The following SYNPO2 variants were observed in gnomAD, a reference collection of about 807,000 sequenced individuals.
SYNPO2 encodes the protein synaptopodin-2.
In SYNPO2, 56 loss-of-function variants were observed where a neutral mutation model predicts 85.0. The observed-to-expected ratio is 0.66, with a 90% CI of 0.53 to 0.82. The LOEUF is 0.82. Among genes scored for constraint, SYNPO2 ranks in the 40% least tolerant of loss-of-function variants. SYNPO2 has a pLI of 0.00. For missense variants in SYNPO2, 1,575 were observed against 1,534.2 expected, an observed-to-expected ratio of 1.03 and a Z score of -0.44; for synonymous variants, 602 against 591.1, an observed-to-expected ratio of 1.02 and a Z score of -0.27.
intron 1 of SYNPO2, among the ~76,000 whole-genome samples, chr4:119,007,829 C>T (rs1006813515): frequency 6.6e-6 from 1 of 152,154 alleles, no homozygotes; most frequent in Non-Finnish European, 1.5e-5. Flanking sequence ...ACAACATCAT[C>T]TCATACCTTT....
In SYNPO2 at chr4:119,057,448, C is replaced by G. The variant is rs576931569; in HGVS notation, c.3300C>G (p.Pro1100=). The G allele has an allele frequency of 2.5e-6, 4 of 1,613,338 alleles. No homozygotes were observed. In the Admixed American group the frequency reaches 5.0e-5, roughly 20 times the overall value. The change falls in exon 5 of 5, where the codon CCC becomes CCG. Residue 1100 remains proline, a synonymous_variant. Transcript: ENST00000307142. ...TTCCTGGAAGATCAGTCCCACCCCC[C>G]ATTTCTACATCTCCTTGGGTATACC... ...LSLPGRSVPP[P]ISTSPWVYQP...
intron 1 of SYNPO2, among the ~76,000 whole-genome samples, chr4:118,969,126 A>G (rs747692551): frequency 1.3e-5 from 2 of 152,130 alleles, no homozygotes; most frequent in African/African-American, 2.4e-5. Flanking sequence ...CCTAAATTGT[A>G]TACTCACATA....
At chr4:119,018,983 T>C (rs768854299) in intron 1 of SYNPO2, among the ~76,000 whole-genome samples, 10 of 152,278 alleles carry the variant, frequency 6.6e-5, no homozygotes, top group Middle Eastern at 6.8e-3. Flanking sequence ...AAGCTGCATG[T>C]TCTCACTTAT....
chr4:119,044,895 A>G (rs1294399905), intron 4 of SYNPO2, among the ~76,000 whole-genome samples: 1 of 152,230 alleles, frequency 6.6e-6, no homozygotes, highest in Non-Finnish European at 1.5e-5. Flanking sequence ...CACACACTGT[A>G]TAGTTGCTGT....
chr4:118,881,742 T>C (rs1283922313), intron 1 of SYNPO2, among the ~76,000 whole-genome samples: 1 of 152,160 alleles, frequency 6.6e-6, no homozygotes, highest in Non-Finnish European at 1.5e-5. Flanking sequence ...GGAAGTTGTT[T>C]TGGGTAGGGC....
At chr4:118,919,015 T>C (rs1299413790) in intron 1 of SYNPO2, among the ~76,000 whole-genome samples, 2 of 152,198 alleles carry the variant, frequency 1.3e-5, no homozygotes, top group Non-Finnish European at 2.9e-5. Context: ...TTTTAAAAAT[T>C]CTATGGCAGC....
intron 1 of SYNPO2, among the ~76,000 whole-genome samples, chr4:119,012,880 T>C (rs1737380541): frequency 6.6e-6 from 1 of 152,188 alleles, no homozygotes. Context: ...TTCTGGTTTC[T>C]GTCAGCCTTT....
intron 1 of SYNPO2, among the ~76,000 whole-genome samples, chr4:118,894,674 T>C (rs916929026): frequency 2.0e-5 from 3 of 152,100 alleles, no homozygotes; most frequent in Non-Finnish European, 4.4e-5. Context: ...TAAAAACAAT[T>C]GCCTTTGTTT....
chr4:118,852,863 T>C (rs1731443579), intron 1 of SYNPO2, among the ~76,000 whole-genome samples: 1 of 152,156 alleles, frequency 6.6e-6, no homozygotes, highest in African/African-American at 2.4e-5. Flanking sequence ...ACCCCTGAAC[T>C]TAAAAGTTAA....
intron 1 of SYNPO2, among the ~76,000 whole-genome samples, chr4:118,880,153 TG>T (rs1178759628): frequency 6.6e-6 from 1 of 152,178 alleles, no homozygotes; most frequent in Non-Finnish European, 1.5e-5. Context: ...TCTGGCTACT[TG>T]CTCGGAATAA....
At chr4:118,924,949 TG>T (rs1733663299) in intron 1 of SYNPO2, among the ~76,000 whole-genome samples, 1 of 152,200 alleles carries the variant, frequency 6.6e-6, no homozygotes, top group African/African-American at 2.4e-5. Context: ...TGCACATTTT[TG>T]CCCTAGGCAC....
chr4:118,936,773 C>G (rs1734121199), intron 1 of SYNPO2, among the ~76,000 whole-genome samples: 1 of 152,188 alleles, frequency 6.6e-6, no homozygotes, highest in Non-Finnish European at 1.5e-5. Flanking sequence ...GTGTCCTCCT[C>G]TCTTTCATGA....
chr4:118,883,958 C>T (rs1732156790), upstream of SYNPO2, among the ~76,000 whole-genome samples: 1 of 152,178 alleles, frequency 6.6e-6, no homozygotes. Flanking sequence ...ACTCAGGGCT[C>T]TGCAAGCAGC....
At position 119,031,140 on chromosome 4, in the gene SYNPO2, C is replaced by G; in HGVS notation, c.2365C>G (p.Pro789Ala). The change falls in exon 4 of 5, where the codon CCT becomes GCT. Residue 789 changes from proline (P) to alanine (A), a missense_variant. Physicochemically the swap from Pro to Ala is conservative, Grantham distance 27. Transcript: ENST00000307142. ...GTCTCCAGGAGTGGCTCCCACCCAACCTCCTGCCTTCCCCACATCCAACCC... is the reference window on the plus strand; with the variant it reads ...GTCTCCAGGAGTGGCTCCCACCCAAGCTCCTGCCTTCCCCACATCCAACCC... ...VWSPGVAPTQ[P>A]PAFPTSNPSK... 1 of 1,614,174 alleles carries G rather than the reference C, an allele frequency of 6.2e-7. No individual in the cohort carries two copies. The highest frequency in any genetic ancestry group is 8.5e-7 in the Non-Finnish European group (1 of 1,180,040).
chr4:119,025,485 GT>G (rs1737900549), intron 2 of SYNPO2, among the ~76,000 whole-genome samples: 1 of 152,114 alleles, frequency 6.6e-6, no homozygotes, highest in Admixed American at 6.6e-5. Context: ...TTTTCATTTT[GT>G]TTAGTTTTGT....
intron 1 of SYNPO2, among the ~76,000 whole-genome samples, chr4:118,935,616 T>C (rs961086453): frequency 6.6e-6 from 1 of 152,248 alleles, no homozygotes; most frequent in Non-Finnish European, 1.5e-5. Flanking sequence ...CGTTGAAAAA[T>C]GCAGGCGCTG....
chr4:118,917,557 T>C (rs899026029), intron 1 of SYNPO2, among the ~76,000 whole-genome samples: 8 of 152,216 alleles, frequency 5.3e-5, no homozygotes, highest in African/African-American at 1.7e-4. Flanking sequence ...AAATCCAGCT[T>C]TTTAATTTTT....
At chr4:118,887,665 G>A (rs1056856409), upstream of SYNPO2, among the ~76,000 whole-genome samples, 1 of 152,130 alleles carries the variant, frequency 6.6e-6, no homozygotes, top group Non-Finnish European at 1.5e-5. Context: ...TTATTTAAAA[G>A]TTTGGTGATG....
At chr4:118,868,095 G>C (rs1309500265) in intron 1 of SYNPO2, among the ~76,000 whole-genome samples, 1 of 143,462 alleles carries the variant, frequency 7.0e-6, no homozygotes, top group Non-Finnish European at 1.5e-5. Context: ...ATTGGAGTAA[G>C]AGACAAAATC....
Sources: gnomAD v4.1 joint callset for allele counts (sites outside exome capture counted in the v4.1 genomes callset) on GRCh38, gnomAD v4.1.1 for gene constraint, MANE v1.5 for transcripts, NCBI Gene and HGNC (gene_info 2026-07-23, HGNC 2026-07-21) for gene names.